Variants in ARF3 observed in about 807,000 individuals in gnomAD.
ARF3 encodes ADP-ribosylation factor 3.
In ARF3, 5 loss-of-function variants were observed where a neutral mutation model predicts 19.3. The observed-to-expected ratio is 0.26, with a 90% CI of 0.14 to 0.54. The LOEUF (loss-of-function observed/expected upper bound fraction) is 0.54, where lower values mean the gene tolerates loss of function less well. ARF3 is among the 20% of genes least tolerant of loss of function. The pLI is 0.95. For missense variants in ARF3, 77 were observed against 234.2 expected (o/e 0.33, Z 4.38); for synonymous variants, 71 against 89.2 (o/e 0.80, Z 1.15).
At chr12:48,956,501 G>C (rs537559036) in intron 1 of ARF3, 1 of 152,146 alleles carries the variant, frequency 6.6e-6, no homozygotes, top group South Asian at 2.1e-4. Context: ...CGTAAGCAAT[G>C]GCTCCATTTT....
chr12:48,940,640 C>G (rs552550048), intron 2 of ARF3, among the ~76,000 whole-genome samples: 2 of 152,344 alleles, frequency 1.3e-5, no homozygotes, highest in East Asian at 3.9e-4. Flanking sequence ...AATTCCAAGC[C>G]TTTGGCAGGA....
At chr12:48,954,609 T>C (rs2137598574) in intron 1 of ARF3, among the ~76,000 whole-genome samples, 1 of 152,332 alleles carries the variant, frequency 6.6e-6, no homozygotes, top group East Asian at 1.9e-4. Context: ...CAAGCAATTT[T>C]ACAAGAAACA....
At position 48,937,101 on chromosome 12, in the gene ARF3, G is replaced by C. The variant is rs988005959; in HGVS notation, c.*1846C>G. 1 of 152,446 alleles carries C rather than the reference G, an allele frequency of 6.6e-6. No homozygotes were observed. The highest frequency in any genetic ancestry group is 1.5e-5 in the Non-Finnish European group (1 of 68,246). 9.4% of individuals were successfully genotyped at this position (152,446 alleles called of 1,614,324 possible). Reference sequence around the variant, plus strand: ...TACCTGCACACACCTGCTGCATCCTGGGTAACACATCACTAAGTAACTGGC... The same window carrying C: ...TACCTGCACACACCTGCTGCATCCTCGGTAACACATCACTAAGTAACTGGC... On this transcript the variant is annotated 3_prime_UTR_variant, in exon 5 of 5. Coordinates refer to ENST00000256682, the MANE Select transcript of ARF3 (RefSeq NM_001659.3).
Position 48,938,708 on chromosome 12 carries a change from T to C in ARF3, c.*239A>G, listed in dbSNP as rs1350776936. On this transcript the variant is annotated 3_prime_UTR_variant, in exon 5 of 5. Transcript: ENST00000256682. ...CCACCCCATGAAACCGTAACAACTT[T>C]TTGTTTTAAATCCAGTAAATTGGAA... The C allele has an allele frequency of 1.8e-6, 1 of 560,566 alleles. No homozygotes were observed. Among genetic ancestry groups the C allele is most frequent in the Non-Finnish European group, 3.2e-6 (1 of 314,816 alleles). The allele number at this position is 560,566 out of a possible 1,614,324, so 34.7% of individuals were successfully genotyped here. A position where few individuals can be genotyped will look rare whatever the true frequency, so the allele number is the denominator to read the frequency against.
At position 48,953,888 on chromosome 12, in the gene ARF3, T is replaced by G. The variant is rs565018555; in HGVS notation, c.-94+3422A>C. 5.9e-5 allele frequency among the ~76,000 whole-genome samples: 9 copies of G among 152,348 alleles called. 1 individual carries two copies. Among genetic ancestry groups the G allele is most frequent in the African/African-American group, 2.2e-4 (9 of 41,588 alleles). On this transcript the variant is annotated intron_variant, in intron 1 of 4. Transcript: ENST00000256682. ...GCAACAGATGTTCAAGTGAAGAAGG[T>G]ACGGTAGACAGATAATTCTACAGAT...
At position 48,938,197 on chromosome 12, in the gene ARF3, G is replaced by A. The variant is rs1592237825; in HGVS notation, c.*750C>T. 2.8e-6 allele frequency: 1 copy of A among 351,176 alleles called. No individual in the cohort carries two copies. The highest frequency in any genetic ancestry group is 5.7e-6 in the Non-Finnish European group (1 of 175,584). The allele number at this position is 351,176 out of a possible 1,614,324, so 21.8% of individuals were successfully genotyped here. A position where few individuals can be genotyped will look rare whatever the true frequency, so the allele number is the denominator to read the frequency against. ...ATGCCATCCTCCAGCCCTAAGAAGG[G>A]TGGAGAGAAGAGTACAAGGAAAATG... On this transcript the variant is annotated 3_prime_UTR_variant, in exon 5 of 5. Coordinates refer to ENST00000256682, the MANE Select transcript of ARF3 (RefSeq NM_001659.3).
intron 1 of ARF3, among the ~76,000 whole-genome samples, chr12:48,946,004 T>C (rs1304544396): frequency 6.6e-6 from 1 of 152,190 alleles, no homozygotes; most frequent in Non-Finnish European, 1.5e-5. Context: ...GGTTTTGCCA[T>C]GCTGGCCAGG....
At chr12:48,950,912 A>C (rs1940456324) in intron 1 of ARF3, among the ~76,000 whole-genome samples, 1 of 152,006 alleles carries the variant, frequency 6.6e-6, no homozygotes, top group African/African-American at 2.4e-5. Context: ...CAGCCTCTCA[A>C]GTAGCTGGGC....
intron 1 of ARF3, among the ~76,000 whole-genome samples, chr12:48,953,683 G>GA (rs1041982259): frequency 6.6e-6 from 1 of 152,170 alleles, no homozygotes; most frequent in Admixed American, 6.5e-5. Flanking sequence ...GGTCCACATG[G>GA]TGTGGCAGAT....
chr12:48,956,705 C>A (rs1940575119), intron 1 of ARF3, among the ~76,000 whole-genome samples: 2 of 152,112 alleles, frequency 1.3e-5, no homozygotes, highest in South Asian at 4.1e-4. Flanking sequence ...ACCCTCTCCC[C>A]ACTTGCTGCC....
intron 1 of ARF3, among the ~76,000 whole-genome samples, chr12:48,943,031 T>C (rs982148116): frequency 6.6e-6 from 1 of 152,152 alleles, no homozygotes; most frequent in African/African-American, 2.4e-5. Flanking sequence ...CACTTGAACC[T>C]GGAAGGTGGA....
intron 1 of ARF3, among the ~76,000 whole-genome samples, chr12:48,951,608 G>A (rs141217673): frequency 0.026 from 3,917 of 151,632 alleles, 186 homozygotes; most frequent in African/African-American, 0.089. Flanking sequence ...GGCCGGGCGC[G>A]GTGGCTCATG....
intron 1 of ARF3, among the ~76,000 whole-genome samples, chr12:48,947,333 A>G (rs1306204152): frequency 1.4e-5 from 2 of 143,928 alleles, no homozygotes; most frequent in African/African-American, 5.1e-5. Context: ...TTTTGAGACA[A>G]TCTCGCTCTC....
rs1940191408 is a variant in ARF3 at position 48,938,497 on chromosome 12, C to T, written c.*450G>A. The T allele has an allele frequency of 2.2e-6, 1 of 446,908 alleles. No homozygotes were observed. Among genetic ancestry groups the T allele is most frequent in the Non-Finnish European group, 4.5e-6 (1 of 222,304 alleles). The allele number at this position is 446,908 out of a possible 1,614,324, so 27.7% of individuals were successfully genotyped here. ...ATACAGGCGCACACATGCACGCAAA[C>T]ACAGAGAGGCCCGTGCAATTTCCAT... On this transcript the variant is annotated 3_prime_UTR_variant, in exon 5 of 5. Transcript: ENST00000256682.
Position 48,940,939 on chromosome 12 carries a change from T to C in ARF3, c.148+9A>G, listed in dbSNP as rs764221352. 1.9e-6 allele frequency: 3 copies of C among 1,592,702 alleles called. No homozygotes were observed. The East Asian group carries it at 6.9e-5, about 37-fold the overall frequency. On this transcript the variant is annotated intron_variant, in intron 2 of 4. Transcript: ENST00000256682. ...GGCGTGAAAGCCCACATCCAAGCTG[T>C]GCTCTTACCAATGGTAGGGATGGTG...
At chr12:48,943,084 G>T (rs549817021) in intron 1 of ARF3, among the ~76,000 whole-genome samples, 1 of 152,322 alleles carries the variant, frequency 6.6e-6, no homozygotes, top group South Asian at 2.1e-4. Context: ...TCCAGCCTGG[G>T]TGACAGGGCG....
At chr12:48,941,620 C>T (rs1940258312) in intron 1 of ARF3, 1 of 152,234 alleles carries the variant, frequency 6.6e-6, no homozygotes, top group African/African-American at 2.4e-5. Context: ...AGGAGTGGCT[C>T]TCTGTGACTC....
chr12:48,943,504 C>T (rs4760667), intron 1 of ARF3, among the ~76,000 whole-genome samples: 49,506 of 151,952 alleles, frequency 0.33, 9,120 homozygotes, highest in Admixed American at 0.47. Flanking sequence ...AGACAAAGTG[C>T]GCCCAAACCC....
At chr12:48,949,023 A>G (rs74623141) in intron 1 of ARF3, among the ~76,000 whole-genome samples, 2 of 152,240 alleles carry the variant, frequency 1.3e-5, no homozygotes, top group East Asian at 1.9e-4. Flanking sequence ...GTTGTCAACT[A>G]CAAGTGGAGA....
Sources: allele counts gnomAD v4.1 joint callset (sites outside exome capture counted in the v4.1 genomes callset), GRCh38; gene constraint gnomAD v4.1.1; transcripts MANE v1.5; gene names NCBI Gene and HGNC (gene_info 2026-07-23, HGNC 2026-07-21).